The following MCTP1 variants were observed in gnomAD, a reference collection of about 807,000 sequenced individuals.
MCTP1 encodes multiple C2 and transmembrane domain containing 1, also known as multiple C2 and transmembrane domain-containing protein 1.
MCTP1 carries 69 observed loss-of-function variants against 120.6 expected under a neutral mutation model. That is an observed-to-expected ratio of 0.57 (90% CI 0.47 to 0.70). The LOEUF is 0.70. MCTP1 is among the 30% of genes least tolerant of loss of function. MCTP1 has a pLI of 0.00. For missense variants in MCTP1, 1,203 were observed against 1,248.8 expected (o/e 0.96, Z 0.55); for synonymous variants, 529 against 493.1 (o/e 1.07, Z -0.96).
At chr5:94,707,712 A>G (rs1471856686) in intron 22 of MCTP1, 145 bp from the exon 23 acceptor site, 1 of 647,620 alleles carries the variant, frequency 1.5e-6, no homozygotes, top group East Asian at 2.7e-5. Context: ...AGATGCAGAA[A>G]GCAATAGAAT....
chr5:95,222,142 A>C (rs1753762524), intron 1 of MCTP1, among the ~76,000 whole-genome samples: 1 of 152,210 alleles, frequency 6.6e-6, no homozygotes, highest in Admixed American at 6.5e-5. Context: ...TCAGGCACCC[A>C]GGTTCCATCT....
intron 1 of MCTP1, among the ~76,000 whole-genome samples, chr5:95,210,558 C>G (rs1752230625): frequency 2.0e-5 from 3 of 147,550 alleles, no homozygotes; most frequent in East Asian, 4.0e-4. Context: ...TATTTTGAGC[C>G]TATGTGTGTC....
At chr5:95,272,199 C>A (rs1371527521) in intron 1 of MCTP1, among the ~76,000 whole-genome samples, 1 of 152,068 alleles carries the variant, frequency 6.6e-6, no homozygotes, top group African/African-American at 2.4e-5. Flanking sequence ...TATGTCAAAG[C>A]AACACAAAAT....
chr5:95,193,443 A>G (rs1247600421), intron 1 of MCTP1, among the ~76,000 whole-genome samples: 1 of 152,226 alleles, frequency 6.6e-6, no homozygotes, highest in Non-Finnish European at 1.5e-5. Context: ...TAATCACATT[A>G]AAAAGTACAG....
intron 1 of MCTP1, among the ~76,000 whole-genome samples, chr5:95,120,034 G>A (rs564845860): frequency 8.6e-5 from 13 of 151,900 alleles, no homozygotes; most frequent in South Asian, 8.3e-4. Context: ...AAAATTAGCC[G>A]GGCATGGTGG....
chr5:94,840,033 C>T lies in MCTP1; in HGVS notation c.2436+28300G>A, dbSNP rs578001128. 1.6e-4 allele frequency among the ~76,000 whole-genome samples: 24 copies of T among 152,318 alleles called. No homozygotes were observed. In the South Asian group the frequency reaches 5.0e-3, roughly 32 times the overall value. ...TCTAGAGCAATGACCTCAGGCAAAGCACTGGAAATACAGTTGCATGTGACA... is the reference window on the plus strand; with the variant it reads ...TCTAGAGCAATGACCTCAGGCAAAGTACTGGAAATACAGTTGCATGTGACA... On this transcript the variant is annotated intron_variant, in intron 17 of 22. Coordinates refer to ENST00000515393, the MANE Select transcript of MCTP1 (RefSeq NM_024717.7).
intron 2 of MCTP1, among the ~76,000 whole-genome samples, chr5:94,993,009 G>C (rs559644301): frequency 3.3e-4 from 50 of 152,214 alleles, no homozygotes; most frequent in African/African-American, 1.1e-3. Flanking sequence ...ATTTATTTTA[G>C]TTATTCTTAT....
intron 17 of MCTP1, among the ~76,000 whole-genome samples, chr5:94,863,992 A>G (rs1389498025): frequency 6.6e-6 from 1 of 151,852 alleles, no homozygotes; most frequent in Non-Finnish European, 1.5e-5. Context: ...TGGAGCACAA[A>G]TTATCTGGAA....
At chr5:95,280,848 T>G (rs907284795) in intron 1 of MCTP1, among the ~76,000 whole-genome samples, 2 of 152,172 alleles carry the variant, frequency 1.3e-5, no homozygotes, top group Non-Finnish European at 2.9e-5. Context: ...CTCCCAAATC[T>G]CTTTCCCCAG....
At chr5:95,143,055 T>C (rs1267708573) in intron 1 of MCTP1, among the ~76,000 whole-genome samples, 1 of 152,066 alleles carries the variant, frequency 6.6e-6, no homozygotes, top group East Asian at 1.9e-4. Context: ...AACAAGAATA[T>C]GGGTTACTAA....
At chr5:95,141,419 G>T (rs1411347366) in intron 1 of MCTP1, among the ~76,000 whole-genome samples, 1 of 152,178 alleles carries the variant, frequency 6.6e-6, no homozygotes, top group East Asian at 1.9e-4. Flanking sequence ...TGGAATATCT[G>T]CCTCTCAGCG....
At chr5:94,722,972 G>C (rs752206609) in intron 19 of MCTP1, among the ~76,000 whole-genome samples, 1 of 152,066 alleles carries the variant, frequency 6.6e-6, no homozygotes, top group Non-Finnish European at 1.5e-5. Context: ...CCAACCTAAG[G>C]AAAATACATT....
In MCTP1 at chr5:95,211,695, C is replaced by A. The variant is rs548193857; in HGVS notation, c.720+72161G>T. 2.4e-3 allele frequency among the ~76,000 whole-genome samples: 369 copies of A among 152,288 alleles called. 2 individuals are homozygous for A. The highest frequency in any genetic ancestry group is 8.7e-3 in the African/African-American group (361 of 41,564). On this transcript the variant is annotated intron_variant, in intron 1 of 22. Transcript: ENST00000515393. ...CAACTTGTCAAAGTCATTCTCCGTC[C>A]AGCTTTGTCCCATTGCTGGTGAGGA...
In MCTP1 at chr5:95,274,030, C is replaced by T. The variant is rs377755202; in HGVS notation, c.720+9826G>A. Among the ~76,000 whole-genome samples, 7 of 152,262 alleles carry T rather than the reference C, an allele frequency of 4.6e-5. No individual in the cohort carries two copies. The South Asian group carries it at 1.4e-3, about 32-fold the overall frequency. The stretch of plus-strand genomic sequence containing the variant: ...TCTCCTGTTTCCACATCAGCTTCGC[C>T]CTCCTAAGGCTCAGGTTGACCCAGT... On this transcript the variant is annotated intron_variant, in intron 1 of 22. Coordinates refer to ENST00000515393, the MANE Select transcript of MCTP1 (RefSeq NM_024717.7).
At chr5:95,114,312 G>A (rs1035770256) in intron 1 of MCTP1, among the ~76,000 whole-genome samples, 9 of 152,172 alleles carry the variant, frequency 5.9e-5, no homozygotes, top group African/African-American at 9.7e-5. Flanking sequence ...TTAGGTATTC[G>A]TTCAGCCACA....
At chr5:95,258,173 A>C (rs1377505589) in intron 1 of MCTP1, among the ~76,000 whole-genome samples, 4 of 152,222 alleles carry the variant, frequency 2.6e-5, no homozygotes, top group Non-Finnish European at 5.9e-5. Context: ...TAAAGTGCTG[A>C]ATAACTTTAC....
chr5:95,284,248 CGGGCTCCAG>C lies in MCTP1; in HGVS notation c.319_327del (p.Leu107_Pro109del). The C allele has an allele frequency of 6.3e-7, 1 of 1,588,302 alleles. No individual in the cohort carries two copies. The highest frequency in any genetic ancestry group is 8.5e-7 in the Non-Finnish European group (1 of 1,174,356). Reference sequence around the variant, plus strand: ...CCCTGCTCGGCTCTGCCGGCGCCGCCGGGCTCCAGGGGCTCCGGCGACGAGCAGCACAGG... The same window carrying C: ...CCCTGCTCGGCTCTGCCGGCGCCGCCGGGCTCCGGCGACGAGCAGCACAGG... On this transcript the variant is annotated inframe_deletion, in exon 1 of 23. Coordinates refer to ENST00000515393, the MANE Select transcript of MCTP1 (RefSeq NM_024717.7). The surrounding 1 kb of genome is among the most constrained non-coding windows in gnomAD (Gnocchi z 5.2).
chr5:94,726,516 TATTATG>T (rs1323035439), intron 19 of MCTP1, among the ~76,000 whole-genome samples: 1 of 152,234 alleles, frequency 6.6e-6, no homozygotes, highest in East Asian at 1.9e-4. Context: ...CCGATTCTTT[TATTATG>T]ATTATGTCTT....
intron 2 of MCTP1, among the ~76,000 whole-genome samples, chr5:94,989,516 T>G (rs1419385477): frequency 6.6e-6 from 1 of 152,184 alleles, no homozygotes; most frequent in Non-Finnish European, 1.5e-5. Flanking sequence ...TTGTAATTTC[T>G]TGAGCGATAG....
Sources: allele counts gnomAD v4.1 joint callset (sites outside exome capture counted in the v4.1 genomes callset), GRCh38; gene constraint gnomAD v4.1.1; non-coding constraint Gnocchi (gnomAD v3.1); transcripts MANE v1.5; gene names NCBI Gene and HGNC (gene_info 2026-07-23, HGNC 2026-07-21).